The following AGAP1 variants were observed in gnomAD, a reference collection of about 807,000 sequenced individuals.
AGAP1 encodes the protein arf-GAP with GTPase, ANK repeat and PH domain-containing protein 1.
In AGAP1, 29 loss-of-function variants were observed where a neutral mutation model predicts 105.3. The ratio of observed to expected loss-of-function variants is 0.28; its 90% CI spans 0.21 to 0.38. The LOEUF is 0.38. Among genes scored for constraint, AGAP1 ranks in the 10% least tolerant of loss-of-function variants. The pLI is 1.00. For missense variants in AGAP1, 998 were observed against 1,165.1 expected, an observed-to-expected ratio of 0.86 and a Z score of 2.09; for synonymous variants, 509 against 485.9, an observed-to-expected ratio of 1.05 and a Z score of -0.63.
chr2:235,703,290 C>T (rs1950348751), intron 1 of AGAP1, among the ~76,000 whole-genome samples: 1 of 151,938 alleles, frequency 6.6e-6, no homozygotes, highest in East Asian at 2.0e-4. Context: ...CCATGTGTTA[C>T]TCCAGGCTCA....
Position 235,741,096 on chromosome 2 carries a change from C to G in AGAP1, c.396+48C>G, listed in dbSNP as rs373845612. 5.0e-5 allele frequency: 73 copies of G among 1,460,950 alleles called. No individual in the cohort carries two copies. Among genetic ancestry groups the G allele is most frequent in the African/African-American group, 4.9e-4 (35 of 71,912 alleles). 90.5% of individuals were successfully genotyped at this position (1,460,950 alleles called of 1,614,324 possible). On this transcript the variant is annotated intron_variant, in intron 4 of 17. Transcript: ENST00000304032. This position sits in a 1 kb window ranked among gnomAD's most constrained non-coding sequence, Gnocchi z 4.9. ...AGCCTGCTTTTTTTCCCTTTGTTTT[C>G]TAAGGTTTGATTCAAGAAGTGCTTC... is the stretch of plus-strand genomic sequence containing the variant.
chr2:235,760,690 A>G (rs574557831), intron 6 of AGAP1, among the ~76,000 whole-genome samples: 288 of 152,288 alleles, frequency 1.9e-3, no homozygotes, highest in Non-Finnish European at 2.6e-3. Flanking sequence ...GGCTCAAGCC[A>G]TCCTCCTACC....
rs939476342 is a variant in AGAP1 at position 235,623,422 on chromosome 2, G to A, written c.164-85757G>A. 6.6e-6 allele frequency among the ~76,000 whole-genome samples: 1 copy of A among 152,198 alleles called. No homozygotes were observed. Among genetic ancestry groups the A allele is most frequent in the Non-Finnish European group, 1.5e-5 (1 of 68,028 alleles). ...ATGGTGGGTTATTAGACTTCACTTG[G>A]TCTGCACGTGGTGGCTTTGGGATTT... On this transcript the variant is annotated intron_variant, in intron 1 of 17. Coordinates refer to ENST00000304032, the MANE Select transcript of AGAP1 (RefSeq NM_001037131.3). The surrounding 1 kb of genome is among the most constrained non-coding windows in gnomAD (Gnocchi z 4.5).
chr2:235,986,478 G>A lies in AGAP1; in HGVS notation c.1645+17855G>A, dbSNP rs142093057. On this transcript the variant is annotated intron_variant, in intron 13 of 17. Coordinates refer to ENST00000304032, the MANE Select transcript of AGAP1 (RefSeq NM_001037131.3). ...TACCCTTTATTTTCTTCTCTTGCCT[G>A]ATCGTCCTGACCAGAAATTCCATTA... 5.2e-3 allele frequency among the ~76,000 whole-genome samples: 788 copies of A among 152,186 alleles called. 3 individuals carry two copies. Among genetic ancestry groups the A allele is most frequent in the Non-Finnish European group, 6.9e-3 (466 of 67,996 alleles).
At chr2:236,064,553 G>A (rs761450191) in intron 16 of AGAP1, among the ~76,000 whole-genome samples, 1 of 152,210 alleles carries the variant, frequency 6.6e-6, no homozygotes, top group African/African-American at 2.4e-5. Flanking sequence ...CTGAGATCGT[G>A]CCACTGCACT....
rs572676927 is a variant in AGAP1 at position 235,985,062 on chromosome 2, C to T, written c.1645+16439C>T. 1.4e-4 allele frequency among the ~76,000 whole-genome samples: 22 copies of T among 152,282 alleles called. 2 individuals are homozygous for T. In the South Asian group the frequency reaches 3.9e-3, roughly 27 times the overall value. The stretch of plus-strand genomic sequence containing the variant: ...CGCAATGGTTGAACTAATTTACATT[C>T]CCACCAACAGTGTAAAAGCATTCCT... On this transcript the variant is annotated intron_variant, in intron 13 of 17. Coordinates refer to ENST00000304032, the MANE Select transcript of AGAP1 (RefSeq NM_001037131.3).
chr2:235,968,575 A>G lies in AGAP1; in HGVS notation c.1597A>G (p.Lys533Glu), dbSNP rs1414632126. Residue 533 changes from lysine (K) to glutamate (E), a missense_variant, in exon 13 of 18, where the codon AAA becomes GAA. Around this residue, in one of 3 missense-constraint regions of AGAP1, gnomAD observed 735 missense variants for 833.4 expected, o/e 0.88. Transcript: ENST00000304032. ...HANRKKHRRK[K>E]STSNFKADGL... The stretch of plus-strand genomic sequence containing the variant: ...CAACAGAAAGAAGCACCGAAGGAAG[A>G]AAAGCACTAGCAACTTCAAAGCCGA... 1 of 1,392,926 alleles carries G rather than the reference A, an allele frequency of 7.2e-7. No homozygotes were observed. The highest frequency in any genetic ancestry group is 1.6e-5 in the African/African-American group (1 of 63,944). 86.3% of individuals were successfully genotyped at this position (1,392,926 alleles called of 1,614,324 possible). A position where few individuals can be genotyped will look rare whatever the true frequency, so the allele number is the denominator to read the frequency against.
At chr2:235,997,656 C>T (rs967630302) in intron 13 of AGAP1, among the ~76,000 whole-genome samples, 4 of 152,112 alleles carry the variant, frequency 2.6e-5, no homozygotes, top group African/African-American at 7.2e-5. Context: ...TAAGAAGAAG[C>T]GGTTTTGAGA....
Position 236,061,648 on chromosome 2 carries a change from G to A in AGAP1, c.2114+12367G>A, listed in dbSNP as rs55704487. On this transcript the variant is annotated intron_variant, in intron 16 of 17. Transcript: ENST00000304032. The surrounding 1 kb of genome is among the most constrained non-coding windows in gnomAD (Gnocchi z 4.1). ...TCCATCTGTCTGATGGCGAAAACAG[G>A]CACCTCCATAGTAATGCAAAGTAGA... is the stretch of plus-strand genomic sequence containing the variant. 0.083 allele frequency among the ~76,000 whole-genome samples: 12,557 copies of A among 152,156 alleles called. 1,259 individuals are homozygous for A. Among genetic ancestry groups the A allele is most frequent in the African/African-American group, 0.23 (9,493 of 41,446 alleles).
rs761479857 is a variant in AGAP1 at position 236,123,951 on chromosome 2, C to T, written c.2403C>T (p.His801=). ...YGVDVTARDA[H]GNTALAYARQ... ...TGGACGTCACGGCCCGAGATGCCCACGGGAACACAGCTCTGGCCTACGCCC... is the reference window on the plus strand; with the variant it reads ...TGGACGTCACGGCCCGAGATGCCCATGGGAACACAGCTCTGGCCTACGCCC... Residue 801 remains histidine, a synonymous_variant, in exon 18 of 18, where the codon CAC becomes CAT. Coordinates refer to ENST00000304032, the MANE Select transcript of AGAP1 (RefSeq NM_001037131.3). The surrounding 1 kb of genome is among the most constrained non-coding windows in gnomAD (Gnocchi z 4.6). 12 of 1,613,584 alleles carry T rather than the reference C, an allele frequency of 7.4e-6. No individual in the cohort carries two copies. The highest frequency in any genetic ancestry group is 6.7e-5 in the Admixed American group (4 of 59,994).
intron 1 of AGAP1, among the ~76,000 whole-genome samples, chr2:235,654,050 C>T (rs572627398): frequency 9.9e-5 from 15 of 152,224 alleles, no homozygotes; most frequent in South Asian, 6.2e-4. Context: ...AGTGAGAGTC[C>T]GTCTCAACAA....
intron 1 of AGAP1, among the ~76,000 whole-genome samples, chr2:235,696,522 C>A (rs1298494272): frequency 6.6e-6 from 1 of 152,108 alleles, no homozygotes; most frequent in East Asian, 1.9e-4. Flanking sequence ...GATGTGAGGC[C>A]ACAGACCAAG....
intron 1 of AGAP1, among the ~76,000 whole-genome samples, chr2:235,667,830 G>A (rs960577709): frequency 2.6e-5 from 4 of 151,718 alleles, no homozygotes; most frequent in African/African-American, 4.8e-5. Context: ...CTGGTGGCGC[G>A]CACCTGTAAT....
At chr2:235,699,745 G>A (rs899318497) in intron 1 of AGAP1, among the ~76,000 whole-genome samples, 1 of 152,188 alleles carries the variant, frequency 6.6e-6, no homozygotes, top group South Asian at 2.1e-4. Flanking sequence ...CAGCAGTCCG[G>A]GCTCCAGGAG....
At chr2:235,643,556 G>GA (rs1374379041) in intron 1 of AGAP1, among the ~76,000 whole-genome samples, 1 of 151,608 alleles carries the variant, frequency 6.6e-6, no homozygotes. Flanking sequence ...TGGGGAAATG[G>GA]AAAAAACTGG....
rs566278644 is a variant in AGAP1 at position 235,727,854 on chromosome 2, G to T, written c.310+10210G>T. Among the ~76,000 whole-genome samples the T allele has an allele frequency of 4.6e-5, 7 of 152,246 alleles. No homozygotes were observed. In the South Asian group the frequency reaches 1.5e-3, roughly 32 times the overall value. ...TGGAAGGTAGCATACTGAAAAAGAC[G>T]AAGTGCAGAGAAAAGACAGGGTGGG... On this transcript the variant is annotated intron_variant, in intron 3 of 17. Coordinates refer to ENST00000304032, the MANE Select transcript of AGAP1 (RefSeq NM_001037131.3).
chr2:236,098,716 C>T lies in AGAP1; in HGVS notation c.2115-21476C>T, dbSNP rs545008582. ...CATAGGTCACTGCCGCTTCCCGCTG[C>T]TGGGCTCAAGCGATCCCCCTGCGTC... On this transcript the variant is annotated intron_variant, in intron 16 of 17. Transcript: ENST00000304032. Among the ~76,000 whole-genome samples, 11 of 147,978 alleles carry T rather than the reference C, an allele frequency of 7.4e-5. No homozygotes were observed. The East Asian group carries it at 2.1e-3, about 28-fold the overall frequency.
chr2:236,126,071 G>C lies in AGAP1; in HGVS notation c.*1949G>C, dbSNP rs1240017656. The C allele has an allele frequency of 6.6e-6, 1 of 152,068 alleles. No individual in the cohort carries two copies. Among genetic ancestry groups the C allele is most frequent in the East Asian group, 1.9e-4 (1 of 5,202 alleles). 9.4% of individuals were successfully genotyped at this position (152,068 alleles called of 1,614,324 possible). On this transcript the variant is annotated 3_prime_UTR_variant, in exon 18 of 18. Coordinates refer to ENST00000304032, the MANE Select transcript of AGAP1 (RefSeq NM_001037131.3). ...TAAAGTAGGTGGGGAAAAAAATAAA[G>C]CTTTACACAGAATTTATATGTGGGT...
chr2:236,007,952 A>C (rs2056379117), intron 13 of AGAP1, among the ~76,000 whole-genome samples: 1 of 152,258 alleles, frequency 6.6e-6, no homozygotes, highest in Non-Finnish European at 1.5e-5. Context: ...ACCACTGAAC[A>C]AATCTCACAA....
Sources: gnomAD v4.1 joint callset for allele counts (sites outside exome capture counted in the v4.1 genomes callset) on GRCh38, gnomAD v4.1.1 for gene constraint, gnomAD v4.1.1 regional missense constraint, Gnocchi (gnomAD v3.1) non-coding constraint, MANE v1.5 for transcripts, NCBI Gene and HGNC (gene_info 2026-07-23, HGNC 2026-07-21) for gene names.